Variants in DDHD1 observed in about 807,000 individuals in gnomAD.
DDHD1 encodes the protein DDHD domain containing 1.
In DDHD1, 49 loss-of-function variants were observed where a neutral mutation model predicts 96.4. That is an observed-to-expected ratio of 0.51 (90% CI 0.40 to 0.64). DDHD1 has a LOEUF of 0.64. DDHD1 is among the 30% of genes least tolerant of loss of function. The pLI is 0.00. For synonymous variants in DDHD1, 442 were observed against 446.5 expected, an observed-to-expected ratio of 0.99 and a Z score of 0.13; for missense variants, 1,106 against 1,161.2, an observed-to-expected ratio of 0.95 and a Z score of 0.69.
chr14:53,040,181 G>A lies in DDHD1; in HGVS notation c.*6587C>T, dbSNP rs542517029. 3 of 152,338 alleles carry A rather than the reference G, an allele frequency of 2.0e-5. No individual in the cohort carries two copies. Among genetic ancestry groups the A allele is most frequent in the Admixed American group, 2.0e-4 (3 of 15,292 alleles). The allele number at this position is 152,338 out of a possible 1,614,324, so 9.4% of individuals were successfully genotyped here. On this transcript the variant is annotated 3_prime_UTR_variant, in exon 13 of 13. Transcript: ENST00000673822. Reference sequence around the variant, plus strand: ...TCTTGGAGTTAGCCTGAAGACCTCAGAGCTATGGTCACTGACTGAACCCTG... The same window carrying A: ...TCTTGGAGTTAGCCTGAAGACCTCAAAGCTATGGTCACTGACTGAACCCTG...
Position 53,039,148 on chromosome 14 carries a change from T to C in DDHD1, c.*7620A>G, listed in dbSNP as rs912150645. 1 of 152,202 alleles carries C rather than the reference T, an allele frequency of 6.6e-6. No homozygotes were observed. The highest frequency in any genetic ancestry group is 2.4e-5 in the African/African-American group (1 of 41,460). 9.4% of individuals were successfully genotyped at this position (152,202 alleles called of 1,614,324 possible). A position where few individuals can be genotyped will look rare whatever the true frequency, so the allele number is the denominator to read the frequency against. ...AGTACAACTGATCTGGAGGTGATAC[T>C]TGCTTCAGTTCTCCAGGAACTCTTG... On this transcript the variant is annotated 3_prime_UTR_variant, in exon 13 of 13. Coordinates refer to ENST00000673822, the MANE Select transcript of DDHD1 (RefSeq NM_001160148.2).
intron 9 of DDHD1, among the ~76,000 whole-genome samples, chr14:53,057,623 G>A (rs1411136087): frequency 2.0e-5 from 3 of 152,116 alleles, no homozygotes; most frequent in Non-Finnish European, 2.9e-5. Flanking sequence ...TAGGTTACTG[G>A]TATTACAATT....
At chr14:53,113,605 G>A (rs1007228092) in intron 1 of DDHD1, among the ~76,000 whole-genome samples, 1 of 151,220 alleles carries the variant, frequency 6.6e-6, no homozygotes, top group Non-Finnish European at 1.5e-5. Flanking sequence ...GCATGGTGGT[G>A]CGTCACTTCC....
chr14:53,048,292 C>T (rs1882206631), intron 12 of DDHD1, among the ~76,000 whole-genome samples: 1 of 150,400 alleles, frequency 6.6e-6, no homozygotes, highest in Admixed American at 6.6e-5. Context: ...TTATAAAATA[C>T]TTGTAAAATA....
intron 4 of DDHD1, among the ~76,000 whole-genome samples, chr14:53,084,167 C>T (rs1479230640): frequency 2.0e-5 from 3 of 152,100 alleles, no homozygotes; most frequent in African/African-American, 7.2e-5. Context: ...ACTTATTCTT[C>T]TTGAATTTGA....
chr14:53,146,495 C>A (rs377299720), intron 1 of DDHD1, among the ~76,000 whole-genome samples: 769 of 137,204 alleles, frequency 5.6e-3, no homozygotes, highest in East Asian at 6.0e-3. Flanking sequence ...CAGAGCATCT[C>A]AAAAAAAAAA....
chr14:53,082,140 A>G (rs1311840695), intron 4 of DDHD1, among the ~76,000 whole-genome samples: 3 of 152,234 alleles, frequency 2.0e-5, no homozygotes, highest in Non-Finnish European at 4.4e-5. Flanking sequence ...CTGTGCTGCT[A>G]TGCATGCACA....
intron 1 of DDHD1, among the ~76,000 whole-genome samples, chr14:53,114,136 G>A (rs1279439059): frequency 1.3e-5 from 2 of 152,184 alleles, no homozygotes; most frequent in Admixed American, 6.5e-5. Flanking sequence ...CCACAGCGGG[G>A]CAAAGCGGCT....
Position 53,043,424 on chromosome 14 carries a change from AATAC to A in DDHD1, c.*3340_*3343del, listed in dbSNP as rs1362332622. On this transcript the variant is annotated 3_prime_UTR_variant, in exon 13 of 13. Transcript: ENST00000673822. ...GTGTGTGTGTGTGTGTGTGTGTGTA[AATAC>A]ATACTTTTTTTTTTTGGATACAGTG... The A allele has an allele frequency of 1.0e-5, 1 of 100,040 alleles. No individual in the cohort carries two copies. Among genetic ancestry groups the A allele is most frequent in the Non-Finnish European group, 2.0e-5 (1 of 49,658 alleles). The allele number at this position is 100,040 out of a possible 1,614,324, so 6.2% of individuals were successfully genotyped here.
rs1368340301 is a variant in DDHD1 at position 53,043,016 on chromosome 14, G to A, written c.*3752C>T. On this transcript the variant is annotated 3_prime_UTR_variant, in exon 13 of 13. Coordinates refer to ENST00000673822, the MANE Select transcript of DDHD1 (RefSeq NM_001160148.2). The stretch of plus-strand genomic sequence containing the variant: ...TTTGTCTTCTACTACAGACTTTACA[G>A]GAAAATCTTTTGGCTTGATCTGACT... 2.0e-5 allele frequency: 3 copies of A among 152,172 alleles called. No individual in the cohort carries two copies. The highest frequency in any genetic ancestry group is 1.3e-4 in the Admixed American group (2 of 15,274). The allele number at this position is 152,172 out of a possible 1,614,324, so 9.4% of individuals were successfully genotyped here.
intron 2 of DDHD1, among the ~76,000 whole-genome samples, chr14:53,096,468 TTAA>T (rs1251108825): frequency 6.6e-6 from 1 of 152,100 alleles, no homozygotes; most frequent in Non-Finnish European, 1.5e-5. Flanking sequence ...ATTATCATGT[TTAA>T]TGTCTTTGCA....
intron 1 of DDHD1, chr14:53,149,703 C>T (rs1242665180): frequency 1.3e-5 from 2 of 152,146 alleles, no homozygotes; most frequent in Non-Finnish European, 2.9e-5. Context: ...AGGTGTTGCT[C>T]TTATGCTAGT....
intron 1 of DDHD1, among the ~76,000 whole-genome samples, chr14:53,149,437 A>G (rs1379270734): frequency 6.6e-6 from 1 of 152,228 alleles, no homozygotes; most frequent in African/African-American, 2.4e-5. Flanking sequence ...TGCAACGTAT[A>G]GTATGAGTTT....
chr14:53,046,702 T>G lies in DDHD1; in HGVS notation c.*66A>C. 1 of 1,113,468 alleles carries G rather than the reference T, an allele frequency of 9.0e-7. No individual in the cohort carries two copies. The highest frequency in any genetic ancestry group is 2.7e-5 in the East Asian group (1 of 37,392). 69.0% of individuals were successfully genotyped at this position (1,113,468 alleles called of 1,614,324 possible). A position where few individuals can be genotyped will look rare whatever the true frequency, so the allele number is the denominator to read the frequency against. ...CTTTAACCCTGAAATCTCCGTATCTTGACACACACATTTTAACGGAAAAAA... is the reference window on the plus strand; with the variant it reads ...CTTTAACCCTGAAATCTCCGTATCTGGACACACACATTTTAACGGAAAAAA... On this transcript the variant is annotated 3_prime_UTR_variant, in exon 13 of 13. Transcript: ENST00000673822.
intron 1 of DDHD1, among the ~76,000 whole-genome samples, chr14:53,142,251 G>C (rs1273435629): frequency 6.6e-6 from 1 of 152,170 alleles, no homozygotes; most frequent in Non-Finnish European, 1.5e-5. Flanking sequence ...GCCAATGCTG[G>C]ATAAGGAATG....
intron 6 of DDHD1, among the ~76,000 whole-genome samples, chr14:53,064,948 T>C (rs1883895725): frequency 6.6e-6 from 1 of 152,154 alleles, no homozygotes; most frequent in African/African-American, 2.4e-5. Flanking sequence ...CCTTCTCCTT[T>C]CTGATCCAAT....
chr14:53,152,139 CCA>C, intron 1 of DDHD1, 120 bp downstream of exon 1: 1 of 1,029,696 alleles, frequency 9.7e-7, no homozygotes, highest in South Asian at 1.9e-5. Context: ...CCATCCTGCC[CCA>C]GCCAAACGCC....
At chr14:53,142,781 T>C (rs1032725228) in intron 1 of DDHD1, among the ~76,000 whole-genome samples, 2 of 152,194 alleles carry the variant, frequency 1.3e-5, no homozygotes, top group Non-Finnish European at 2.9e-5. Context: ...CACCAATCTT[T>C]CTGGGGCCTG....
Position 53,153,076 on chromosome 14 carries a change from G to A in DDHD1, c.23C>T (p.Ser8Phe). 1 of 1,452,734 alleles carries A rather than the reference G, an allele frequency of 6.9e-7. No individual in the cohort carries two copies. Among genetic ancestry groups the A allele is most frequent in the South Asian group, 1.4e-5 (1 of 71,212 alleles). 90.0% of individuals were successfully genotyped at this position (1,452,734 alleles called of 1,614,324 possible). A position where few individuals can be genotyped will look rare whatever the true frequency, so the allele number is the denominator to read the frequency against. The change falls in exon 1 of 13, where the codon TCC becomes TTC. Residue 8 changes from serine to phenylalanine, a missense_variant. Ser to Phe is a radical substitution (Grantham distance 155). Coordinates refer to ENST00000673822, the MANE Select transcript of DDHD1 (RefSeq NM_001160148.2). The part of the protein sequence containing the change: MNYPGRG[S>F]PRSPEHNGRG... ...GCCGTTATGCTCGGGGCTCCGTGGG[G>A]ACCCGCGGCCCGGGTAATTCATGCT... is the stretch of plus-strand genomic sequence containing the variant.
Sources: gnomAD v4.1 joint callset for allele counts (sites outside exome capture counted in the v4.1 genomes callset) on GRCh38, gnomAD v4.1.1 for gene constraint, MANE v1.5 for transcripts, NCBI Gene and HGNC (gene_info 2026-07-23, HGNC 2026-07-21) for gene names.